Variants in OTOA observed in about 807,000 individuals in gnomAD.
OTOA encodes the protein cancer/testis antigen 108.
In OTOA, 70 loss-of-function variants were observed where a neutral mutation model predicts 110.8. The ratio of observed to expected loss-of-function variants is 0.63; its 90% CI spans 0.52 to 0.77. The LOEUF is 0.77. Ranked by LOEUF, OTOA falls within the 30% of genes least tolerant of loss-of-function variation. OTOA has a pLI of 0.00. For missense variants in OTOA, 917 were observed against 1,075.8 expected (o/e 0.85, Z 2.06); for synonymous variants, 373 against 431.5 (o/e 0.86, Z 1.68).
chr16:21,707,334 G>A (rs1898196290), intron 12 of OTOA, among the ~76,000 whole-genome samples: 1 of 152,002 alleles, frequency 6.6e-6, no homozygotes, highest in African/African-American at 2.4e-5. Flanking sequence ...GGATCATCTA[G>A]CTCAGTTGTT....
At chr16:21,701,399 A>AT (rs1898050137) in intron 11 of OTOA, among the ~76,000 whole-genome samples, 2 of 152,180 alleles carry the variant, frequency 1.3e-5, no homozygotes, top group Non-Finnish European at 2.9e-5. Context: ...GAAATAACTC[A>AT]TGGGTCCCCA....
At chr16:21,729,064 C>T (rs1414992860) in intron 20 of OTOA, among the ~76,000 whole-genome samples, 13 of 151,296 alleles carry the variant, frequency 8.6e-5, no homozygotes, top group South Asian at 2.1e-4. Context: ...AATGGGGTCT[C>T]GCTCTGTCAC....
Position 21,728,297 on chromosome 16 carries a change from C to T in OTOA, c.2073C>T (p.His691=). The T allele has an allele frequency of 6.2e-7, 1 of 1,614,172 alleles. No homozygotes were observed. The highest frequency in any genetic ancestry group is 8.5e-7 in the Non-Finnish European group (1 of 1,180,036). ...TVDIMGNLLC[H]LPAAIIDRGI... ...ACATCATGGGGAACCTGCTGTGTCACTTGCCGGCAGCCATCATCGACAGGG... is the reference window on the plus strand; with the variant it reads ...ACATCATGGGGAACCTGCTGTGTCATTTGCCGGCAGCCATCATCGACAGGG... Residue 691 remains histidine (H), a synonymous_variant, in exon 20 of 29, where the codon CAC becomes CAT. Transcript: ENST00000646100.
At chr16:21,729,262 C>T (rs1338457963) in intron 20 of OTOA, among the ~76,000 whole-genome samples, 1 of 152,038 alleles carries the variant, frequency 6.6e-6, no homozygotes, top group Non-Finnish European at 1.5e-5. Flanking sequence ...GTCTTGAACT[C>T]CTGGGCTCAA....
rs768727222 is a variant in OTOA at position 21,722,150 on chromosome 16, TA to T, written c.1807-754del. On this transcript the variant is annotated intron_variant, in intron 17 of 28. Coordinates refer to ENST00000646100, the MANE Select transcript of OTOA (RefSeq NM_144672.4). The stretch of plus-strand genomic sequence containing the variant: ...GGTGGGGGGTGCCTGTAATCCTAGC[TA>T]CTCGGGAGGCTGACGCAGGAGAACT... 9.5e-4 allele frequency among the ~76,000 whole-genome samples: 142 copies of T among 148,902 alleles called. 2 individuals carry two copies. Among genetic ancestry groups the T allele is most frequent in the Non-Finnish European group, 1.8e-4 (12 of 67,598 alleles).
intron 1 of OTOA, 97 bp from the exon 2 acceptor site, chr16:21,678,414 A>ATATG: frequency 1.3e-6 from 1 of 758,320 alleles, no homozygotes. Context: ...GTCCATATAT[A>ATATG]TATATATGTT....
intron 21 of OTOA, among the ~76,000 whole-genome samples, chr16:21,735,553 G>A (rs1899263904): frequency 6.6e-6 from 1 of 152,048 alleles, no homozygotes; most frequent in South Asian, 2.1e-4. Flanking sequence ...TAAAAACTTA[G>A]AAATAGCACC....
In OTOA at chr16:21,712,227, C is replaced by T. The variant is rs569126656; in HGVS notation, c.1320+2124C>T. ...CCGTAATTTCAGCTACTTGGAAGGCCGAAGCAGAAGAATTACTTGAACCCA... is the reference window on the plus strand; with the variant it reads ...CCGTAATTTCAGCTACTTGGAAGGCTGAAGCAGAAGAATTACTTGAACCCA... On this transcript the variant is annotated intron_variant, in intron 13 of 28. Coordinates refer to ENST00000646100, the MANE Select transcript of OTOA (RefSeq NM_144672.4). Among the ~76,000 whole-genome samples the T allele has an allele frequency of 4.5e-4, 68 of 151,502 alleles. 1 individual carries two copies. Among genetic ancestry groups the T allele is most frequent in the Non-Finnish European group, 8.4e-4 (57 of 67,924 alleles).
chr16:21,684,516 G>T (rs923331447), intron 6 of OTOA: 2 of 1,550,686 alleles, frequency 1.3e-6, no homozygotes, highest in East Asian at 2.4e-5. Context: ...AAGGCCAGCT[G>T]CTGCTGATGG....
Position 21,726,533 on chromosome 16 carries a change from C to G in OTOA, c.1891C>G (p.Leu631Val). The change falls in exon 19 of 29, where the codon CTG (leucine) becomes GTG (valine). Residue 631 changes from leucine (L) to valine (V), a missense_variant. Leu to Val is a conservative substitution (Grantham distance 32, BLOSUM62 1). This residue lies in a region of OTOA where 840 missense variants were observed against 910.2 expected (regional missense o/e 0.92). Transcript: ENST00000646100. ...FLLAALPARY[L>V]ASVPASQCVP... ...CCCATCTCTCTCCAGGGCCCGCTAC[C>G]TGGCTTCTGTCCCAGCCTCCCAGTG... 1 of 1,613,832 alleles carries G rather than the reference C, an allele frequency of 6.2e-7. No homozygotes were observed. The highest frequency in any genetic ancestry group is 8.5e-7 in the Non-Finnish European group (1 of 1,180,018).
intron 13 of OTOA, 148 bp from the exon 14 acceptor site, chr16:21,714,837 A>G: frequency 1.0e-6 from 1 of 985,882 alleles, no homozygotes; most frequent in Non-Finnish European, 1.5e-6. Flanking sequence ...GAAGGAAGGA[A>G]GGCCTGTGGA....
intron 14 of OTOA, 109 bp downstream of exon 14, chr16:21,715,261 A>C: frequency 1.4e-6 from 2 of 1,470,676 alleles, no homozygotes; most frequent in Non-Finnish European, 1.9e-6. Context: ...GGATTGTCTC[A>C]GCTGTTGGTG....
chr16:21,689,202 T>A (rs1052272978), intron 8 of OTOA, among the ~76,000 whole-genome samples: 1 of 152,272 alleles, frequency 6.6e-6, no homozygotes, highest in African/African-American at 2.4e-5. Context: ...AAAAATGATT[T>A]AGAAGAAGGA....
In OTOA at chr16:21,714,970, C is replaced by T. The variant is rs1256271267; in HGVS notation, c.1321-15C>T. 19 of 1,613,890 alleles carry T rather than the reference C, an allele frequency of 1.2e-5. No individual in the cohort carries two copies. In the Middle Eastern group the frequency reaches 5.0e-4, roughly 42 times the overall value. ...GCGGGAGCAGAGCCTGACTGCGCAG[C>T]CGCTCCTCTTCCAGGTGCTGTCTTT... On this transcript the variant is annotated splice_polypyrimidine_tract_variant and intron_variant, in intron 13 of 28. Transcript: ENST00000646100.
chr16:21,681,203 C>T (rs1966887095), intron 5 of OTOA, among the ~76,000 whole-genome samples: 1 of 152,156 alleles, frequency 6.6e-6, no homozygotes, highest in African/African-American at 2.4e-5. Context: ...ATATTGCATA[C>T]AGCTTAGAAA....
rs374990735 is a variant in OTOA, at chr16:21,719,369, C to A, written c.1689-18C>A. 4 of 1,611,306 alleles carry A rather than the reference C, an allele frequency of 2.5e-6. No homozygotes were observed. In the African/African-American group the frequency reaches 4.0e-5, roughly 16 times the overall value. On this transcript the variant is annotated intron_variant, in intron 16 of 28. Coordinates refer to ENST00000646100, the MANE Select transcript of OTOA (RefSeq NM_144672.4). The stretch of plus-strand genomic sequence containing the variant: ...CCTCACTTCCTTCCTCTCCCGAGTG[C>A]CTTGTTTTGTTTTCTAGTGCTGGGC...
intron 21 of OTOA, among the ~76,000 whole-genome samples, chr16:21,732,434 C>A (rs1899145681): frequency 6.6e-6 from 1 of 151,932 alleles, no homozygotes; most frequent in African/African-American, 2.4e-5. Context: ...GTGCACCCAT[C>A]ACCTGAACAG....
In OTOA at chr16:21,688,640, G is replaced by A. The variant is rs182555437; in HGVS notation, c.635+992G>A. 1.3e-4 allele frequency among the ~76,000 whole-genome samples: 20 copies of A among 152,180 alleles called. No homozygotes were observed. The East Asian group carries it at 2.9e-3, about 22-fold the overall frequency. ...CAGACTTGGTGTCTGGTGAGGGCTCGCTTTCTGGTTTATAGGTGGCACCTT... is the reference window on the plus strand; with the variant it reads ...CAGACTTGGTGTCTGGTGAGGGCTCACTTTCTGGTTTATAGGTGGCACCTT... On this transcript the variant is annotated intron_variant, in intron 8 of 28. Coordinates refer to ENST00000646100, the MANE Select transcript of OTOA (RefSeq NM_144672.4).
chr16:21,687,419 A>G lies in OTOA; in HGVS notation c.406A>G (p.Lys136Glu), dbSNP rs1456240886. The change falls in exon 8 of 29, where the codon AAA (lysine) becomes GAA (glutamate). Residue 136 changes from lysine to glutamate, a missense_variant. By Grantham distance (56) the Lys-to-Glu change is moderately conservative. Around this residue, in one of 6 missense-constraint regions of OTOA, gnomAD observed 840 missense variants for 910.2 expected, o/e 0.92. Transcript: ENST00000646100. Reference sequence around the variant, plus strand: ...GCTTCTGTCATTGCTTTAGGACCTGAAAGACATCATCATCGACTTAGGAGA... The same window carrying G: ...GCTTCTGTCATTGCTTTAGGACCTGGAAGACATCATCATCGACTTAGGAGA... ...LEDKKDGLDL[K>E]DIIIDLGEIR... The G allele has an allele frequency of 6.2e-6, 10 of 1,613,988 alleles. No homozygotes were observed. The highest frequency in any genetic ancestry group is 1.1e-5 in the South Asian group (1 of 91,078).
Sources: gnomAD v4.1 joint callset for allele counts (sites outside exome capture counted in the v4.1 genomes callset) on GRCh38, gnomAD v4.1.1 for gene constraint, gnomAD v4.1.1 regional missense constraint, MANE v1.5 for transcripts, NCBI Gene and HGNC (gene_info 2026-07-23, HGNC 2026-07-21) for gene names.